PTPRR: variants seen among roughly 807,000 people sequenced by gnomAD.
The protein encoded by PTPRR is protein tyrosine phosphatase receptor type R, also known as receptor-type tyrosine-protein phosphatase R.
Under a neutral mutation model 77.2 loss-of-function variants are expected in PTPRR, and 38 were observed. The observed-to-expected ratio is 0.49, with a 90% CI of 0.38 to 0.65. The LOEUF is 0.65. PTPRR is among the 30% of genes least tolerant of loss of function. The pLI is 0.00. For synonymous variants in PTPRR, 299 were observed against 283.1 expected (o/e 1.06, Z -0.57); for missense variants, 744 against 799.2 (o/e 0.93, Z 0.83).
chr12:70,728,528 AAT>A (rs71068723), intron 6 of PTPRR, among the ~76,000 whole-genome samples: 18,463 of 79,438 alleles, frequency 0.23, 1,690 homozygotes, highest in Middle Eastern at 0.29. Flanking sequence ...CCAAAATCTG[AAT>A]ATATATATAT....
intron 3 of PTPRR, among the ~76,000 whole-genome samples, chr12:70,762,365 C>T (rs1435885373): frequency 6.6e-6 from 1 of 152,062 alleles, no homozygotes; most frequent in Admixed American, 6.6e-5. Flanking sequence ...ACAACTTACA[C>T]AACACACTAA....
At chr12:70,821,152 C>T (rs1213132360) in intron 2 of PTPRR, among the ~76,000 whole-genome samples, 1 of 144,148 alleles carries the variant, frequency 6.9e-6, no homozygotes, top group East Asian at 2.1e-4. Context: ...GTGCTTCTTT[C>T]AAGAGATACA....
At chr12:70,821,161 C>T (rs1431693814) in intron 2 of PTPRR, among the ~76,000 whole-genome samples, 1 of 142,326 alleles carries the variant, frequency 7.0e-6, no homozygotes, top group Non-Finnish European at 1.5e-5. Context: ...TCAAGAGATA[C>T]ATTTGTCAAT....
intron 6 of PTPRR, among the ~76,000 whole-genome samples, chr12:70,738,262 A>G (rs139858033): frequency 6.6e-6 from 1 of 152,276 alleles, no homozygotes; most frequent in Non-Finnish European, 1.5e-5. Flanking sequence ...ATACCCTATT[A>G]TGGTACAGCT....
At chr12:70,665,067 G>C (rs1214055359) in intron 10 of PTPRR, among the ~76,000 whole-genome samples, 1 of 152,146 alleles carries the variant, frequency 6.6e-6, no homozygotes, top group Non-Finnish European at 1.5e-5. Flanking sequence ...CTGCCTTACA[G>C]ATAATACTGT....
chr12:70,842,116 GC>G (rs1360401377), intron 2 of PTPRR, among the ~76,000 whole-genome samples: 1 of 152,100 alleles, frequency 6.6e-6, no homozygotes, highest in Non-Finnish European at 1.5e-5. Flanking sequence ...ATGTACGTAT[GC>G]CCAACTGCTA....
At chr12:70,803,567 G>A (rs1891654942) in intron 2 of PTPRR, among the ~76,000 whole-genome samples, 1 of 152,178 alleles carries the variant, frequency 6.6e-6, no homozygotes, top group Non-Finnish European at 1.5e-5. Context: ...AGGTGCTCTG[G>A]TAGCTTCCCA....
At chr12:70,668,520 C>A (rs928183826) in intron 10 of PTPRR, among the ~76,000 whole-genome samples, 5 of 152,110 alleles carry the variant, frequency 3.3e-5, no homozygotes, top group Admixed American at 6.6e-5. Flanking sequence ...TTTTACTCTA[C>A]TTTTTAAGCT....
chr12:70,755,986 G>T (rs1485789587), intron 4 of PTPRR, among the ~76,000 whole-genome samples: 2 of 152,190 alleles, frequency 1.3e-5, no homozygotes. Context: ...TGCTATAAAA[G>T]CAAACTAGTT....
At chr12:70,890,312 A>T (rs1334115203) in intron 2 of PTPRR, among the ~76,000 whole-genome samples, 1 of 152,144 alleles carries the variant, frequency 6.6e-6, no homozygotes, top group Non-Finnish European at 1.5e-5. Context: ...TAACAAATAA[A>T]CTATAAATTT....
At chr12:70,755,286 C>A (rs189096851) in intron 4 of PTPRR, among the ~76,000 whole-genome samples, 1 of 152,192 alleles carries the variant, frequency 6.6e-6, no homozygotes, top group East Asian at 1.9e-4. Context: ...AGTGAGAGTA[C>A]ATGTCTGTCC....
intron 10 of PTPRR, among the ~76,000 whole-genome samples, chr12:70,669,117 A>G (rs1887117199): frequency 6.6e-6 from 1 of 152,232 alleles, no homozygotes; most frequent in African/African-American, 2.4e-5. Flanking sequence ...AGCAGAATAT[A>G]CATCATAATA....
intron 6 of PTPRR, among the ~76,000 whole-genome samples, chr12:70,702,120 C>G (rs966910475): frequency 6.6e-6 from 1 of 152,146 alleles, no homozygotes; most frequent in Non-Finnish European, 1.5e-5. Flanking sequence ...ATAGAAATCA[C>G]AGACCCTTAA....
In PTPRR at chr12:70,872,694, C is replaced by CAAAAAAAAAAAAAAAAAAA. The variant is rs377557224; in HGVS notation, c.357+19966_357+19984dup. 1.9e-3 allele frequency among the ~76,000 whole-genome samples: 84 copies of CAAAAAAAAAAAAAAAAAAA among 43,442 alleles called. 8 individuals carry two copies. Among genetic ancestry groups the CAAAAAAAAAAAAAAAAAAA allele is most frequent in the African/African-American group, 6.3e-3 (46 of 7,296 alleles). 28.5% of individuals were successfully genotyped at this position (43,442 alleles called of 152,430 possible). A position where few individuals can be genotyped will look rare whatever the true frequency, so the allele number is the denominator to read the frequency against. On this transcript the variant is annotated intron_variant, in intron 2 of 13. Transcript: ENST00000283228. ...TGGGCGACAGAGTGAGACTCTGTCT[C>CAAAAAAAAAAAAAAAAAAA]AAAAAAAAAAAAAAAAAAAAAAAAA...
chr12:70,867,483 T>C (rs1268113543), intron 2 of PTPRR, among the ~76,000 whole-genome samples: 3 of 152,044 alleles, frequency 2.0e-5, no homozygotes, highest in South Asian at 2.1e-4. Flanking sequence ...TTACAAGGGA[T>C]GTGAAGGACC....
In PTPRR at chr12:70,662,568, T is replaced by A. The variant is rs1886835425; in HGVS notation, c.1535A>T (p.Tyr512Phe). 1 of 1,612,288 alleles carries A rather than the reference T, an allele frequency of 6.2e-7. No homozygotes were observed. The highest frequency in any genetic ancestry group is 1.7e-5 in the Admixed American group (1 of 59,892). Residue 512 changes from tyrosine (Y) to phenylalanine (F), a missense_variant, in exon 11 of 14, where the codon TAT (tyrosine) becomes TTT (phenylalanine). Tyr to Phe is a conservative substitution (Grantham distance 22). This residue lies in a region of PTPRR where 170 missense variants were observed against 209.8 expected (regional missense o/e 0.81). Transcript: ENST00000283228. The stretch of plus-strand genomic sequence containing the variant: ...GATAACCAGAACCTCAACTTTTCCA[T>A]ATATCCCTCTCTTTTCCGGCCAGTA... ...VLYWPEKRGI[Y>F]GKVEVLVISV...
At chr12:70,811,265 C>T (rs893921472) in intron 2 of PTPRR, among the ~76,000 whole-genome samples, 1 of 152,138 alleles carries the variant, frequency 6.6e-6, no homozygotes, top group African/African-American at 2.4e-5. Flanking sequence ...CAAAATATGA[C>T]ATTCTCATCT....
chr12:70,649,241 A>G (rs1886305743), intron 13 of PTPRR, among the ~76,000 whole-genome samples: 1 of 152,176 alleles, frequency 6.6e-6, no homozygotes, highest in Non-Finnish European at 1.5e-5. Context: ...AATCCTATCC[A>G]GTGTTCAAGC....
chr12:70,897,608 G>A (rs1269996617), intron 1 of PTPRR, among the ~76,000 whole-genome samples: 1 of 151,902 alleles, frequency 6.6e-6, no homozygotes, highest in East Asian at 1.9e-4. Flanking sequence ...GATTCCTCAG[G>A]GATCTAGAAC....
Sources: gnomAD v4.1 joint callset for allele counts (sites outside exome capture counted in the v4.1 genomes callset) on GRCh38, gnomAD v4.1.1 for gene constraint, gnomAD v4.1.1 regional missense constraint, MANE v1.5 for transcripts, NCBI Gene and HGNC (gene_info 2026-07-23, HGNC 2026-07-21) for gene names.